Variants in SASH1 observed in about 807,000 individuals in gnomAD.
The protein encoded by SASH1 is SAM and SH3 domain containing 1.
SASH1 carries 44 observed loss-of-function variants against 125.2 expected under a neutral mutation model. That is an observed-to-expected ratio of 0.35 (90% CI 0.28 to 0.45). The LOEUF is 0.45. Among genes scored for constraint, SASH1 ranks in the 20% least tolerant of loss-of-function variants. The probability of loss-of-function intolerance (pLI) is 1.00; values close to 1 mark genes in which losing one functional copy is unlikely to be tolerated. For synonymous variants in SASH1, 639 were observed against 649.1 expected (o/e 0.98, Z 0.24); for missense variants, 1,426 against 1,614.5 (o/e 0.88, Z 2.00).
intron 10 of SASH1, among the ~76,000 whole-genome samples, chr6:148,523,005 G>A (rs1352844108): frequency 1.3e-5 from 2 of 152,226 alleles, no homozygotes; most frequent in Non-Finnish European, 2.9e-5. Context: ...AGAGGTTTTA[G>A]TTGGTAGTTA....
At chr6:148,303,241 C>A (rs4896989) in intron 1 of SASH1, among the ~76,000 whole-genome samples, 107,413 of 151,884 alleles carry the variant, frequency 0.71, 38,075 homozygotes, top group South Asian at 0.76. Context: ...CAACCTCCCA[C>A]AGTGCTGCAA....
chr6:148,281,730 G>C (rs962505991), intron 1 of SASH1, among the ~76,000 whole-genome samples: 5 of 152,104 alleles, frequency 3.3e-5, no homozygotes, highest in African/African-American at 1.2e-4. Context: ...AGACCATCCT[G>C]GCTAACACGG....
At chr6:148,462,511 G>C (rs1043446585) in intron 4 of SASH1, among the ~76,000 whole-genome samples, 2 of 152,094 alleles carry the variant, frequency 1.3e-5, no homozygotes, top group Non-Finnish European at 2.9e-5. Flanking sequence ...ATGAGTTTGA[G>C]CCATAGTATT....
chr6:148,380,676 T>A lies in SASH1; in HGVS notation c.157-9458T>A, dbSNP rs947040755. On this transcript the variant is annotated intron_variant, in intron 1 of 19. Transcript: ENST00000367467. ...GCTTGTACTTTCTAAAAACCAATGA[T>A]CAATGTTCCCATTCTTTTCTCCACA... Among the ~76,000 whole-genome samples, 3 of 152,238 alleles carry A rather than the reference T, an allele frequency of 2.0e-5. No homozygotes were observed. The South Asian group carries it at 6.2e-4, about 31-fold the overall frequency.
At chr6:148,238,685 G>A in the SASH1 span, among the ~76,000 whole-genome samples, 1 of 151,762 alleles carries the variant, frequency 6.6e-6, no homozygotes, top group Admixed American at 6.6e-5. Flanking sequence ...AATTCTATGA[G>A]AGAAGGGATT....
chr6:148,226,038 T>G, the SASH1 span, among the ~76,000 whole-genome samples: 1 of 152,192 alleles, frequency 6.6e-6, no homozygotes, highest in African/African-American at 2.4e-5. Flanking sequence ...GAAGCCACTT[T>G]CCCCTCTCAT....
rs1458587506 is a variant in SASH1 at position 148,377,182 on chromosome 6, A to C, written c.157-12952A>C. ...GAGACTCCGTCTCAAAAAAAAAAAAAACAAAAAAAAAACAAAAAAAAAACA... is the reference window on the plus strand; with the variant it reads ...GAGACTCCGTCTCAAAAAAAAAAAACACAAAAAAAAAACAAAAAAAAAACA... On this transcript the variant is annotated intron_variant, in intron 1 of 19. Coordinates refer to ENST00000367467, the MANE Select transcript of SASH1 (RefSeq NM_015278.5). 5.8e-5 allele frequency among the ~76,000 whole-genome samples: 4 copies of C among 69,030 alleles called. 1 individual carries two copies. The highest frequency in any genetic ancestry group is 7.0e-4 in the East Asian group (2 of 2,866). 45.3% of individuals were successfully genotyped at this position (69,030 alleles called of 152,430 possible).
intron 12 of SASH1, among the ~76,000 whole-genome samples, chr6:148,530,483 G>A (rs536900092): frequency 3.3e-5 from 5 of 152,020 alleles, no homozygotes; most frequent in East Asian, 1.9e-4. Context: ...TTTTGAGGTC[G>A]CTTGCTCACT....
the SASH1 span, among the ~76,000 whole-genome samples, chr6:148,198,782 A>T: frequency 6.6e-6 from 1 of 152,244 alleles, no homozygotes; most frequent in Non-Finnish European, 1.5e-5. Context: ...TTTAGCAAAT[A>T]TTTAAAATTA....
the SASH1 span, among the ~76,000 whole-genome samples, chr6:148,205,618 C>T: frequency 0.061 from 9,283 of 152,178 alleles, 325 homozygotes; most frequent in Middle Eastern, 0.13. Flanking sequence ...CCCAACCTTG[C>T]CTTTCCCTAG....
intron 8 of SASH1, chr6:148,508,582 T>G: frequency 8.8e-7 from 1 of 1,134,630 alleles, no homozygotes; most frequent in Middle Eastern, 4.1e-4. Flanking sequence ...GCTGATGACT[T>G]ATGCCTTTCT....
At chr6:148,322,865 ATCTT>A (rs142620816) in intron 1 of SASH1, among the ~76,000 whole-genome samples, 13,223 of 143,212 alleles carry the variant, frequency 0.092, 1,159 homozygotes, top group Middle Eastern at 0.13. Flanking sequence ...CATCCAAATC[ATCTT>A]TCTTTCTTTC....
At chr6:148,487,301 T>C (rs917359356) in intron 7 of SASH1, among the ~76,000 whole-genome samples, 2 of 151,752 alleles carry the variant, frequency 1.3e-5, no homozygotes, top group African/African-American at 4.8e-5. Flanking sequence ...AGTTTTGATG[T>C]TGGAGGGGGA....
intron 2 of SASH1, among the ~76,000 whole-genome samples, chr6:148,439,775 CAA>C (rs34995107): frequency 7.5e-6 from 1 of 133,278 alleles, no homozygotes. Flanking sequence ...GACTCTGTCT[CAA>C]AAAAAAAAAA....
chr6:148,464,627 C>G (rs986346444), intron 4 of SASH1, among the ~76,000 whole-genome samples: 4 of 152,152 alleles, frequency 2.6e-5, no homozygotes, highest in African/African-American at 9.7e-5. Flanking sequence ...TGGGTTATAT[C>G]ATTGATTTTT....
the SASH1 span, among the ~76,000 whole-genome samples, chr6:148,265,548 G>A: frequency 6.6e-6 from 1 of 152,184 alleles, no homozygotes; most frequent in Non-Finnish European, 1.5e-5. Flanking sequence ...TTCACCTGAT[G>A]TACTTTGAGC....
the SASH1 span, among the ~76,000 whole-genome samples, chr6:148,205,903 C>A: frequency 1.3e-5 from 2 of 152,182 alleles, no homozygotes; most frequent in Non-Finnish European, 2.9e-5. Flanking sequence ...ACTGTGGGTG[C>A]AGCTGAGCGA....
At chr6:148,194,792 G>A in the SASH1 span, among the ~76,000 whole-genome samples, 70 of 152,324 alleles carry the variant, frequency 4.6e-4, no homozygotes, top group Middle Eastern at 3.4e-3. Context: ...TGTAGTCCCA[G>A]CTACTCGGGA....
intron 16 of SASH1, among the ~76,000 whole-genome samples, chr6:148,539,772 C>A (rs55863840): frequency 0.067 from 10,255 of 152,130 alleles, 447 homozygotes; most frequent in Non-Finnish European, 0.096. Flanking sequence ...GAAAAAACAA[C>A]CTCTAACTCA....
Sources: allele counts gnomAD v4.1 joint callset (sites outside exome capture counted in the v4.1 genomes callset), GRCh38; gene constraint gnomAD v4.1.1; transcripts MANE v1.5; gene names NCBI Gene and HGNC (gene_info 2026-07-23, HGNC 2026-07-21).